Variants in SOX5 observed in about 807,000 individuals in gnomAD.
SOX5 encodes transcription factor SOX-5.
SOX5 carries 9 observed loss-of-function variants against 92.0 expected under a neutral mutation model. The ratio of observed to expected loss-of-function variants is 0.10; its 90% CI spans 0.06 to 0.17. The LOEUF (loss-of-function observed/expected upper bound fraction) is 0.17. Among genes scored for constraint, SOX5 ranks in the 10% least tolerant of loss-of-function variants. The pLI, the probability that SOX5 is intolerant of heterozygous loss-of-function variation, is 1.00. For missense variants in SOX5, 642 were observed against 944.5 expected (o/e 0.68, Z 4.20); for synonymous variants, 344 against 336.3 (o/e 1.02, Z -0.25).
intron 8 of SOX5, among the ~76,000 whole-genome samples, chr12:23,605,784 G>A (rs2075174389): frequency 6.6e-6 from 1 of 151,806 alleles, no homozygotes; most frequent in African/African-American, 2.4e-5. Flanking sequence ...ACATACATAA[G>A]TCTCCAGATA....
chr12:23,718,409 T>C (rs1280013022), intron 6 of SOX5, among the ~76,000 whole-genome samples: 1 of 152,224 alleles, frequency 6.6e-6, no homozygotes, highest in Admixed American at 6.5e-5. Flanking sequence ...ATCTTAATCT[T>C]TGCATACAGA....
intron 1 of SOX5, among the ~76,000 whole-genome samples, chr12:24,557,687 T>C (rs1056370353): frequency 6.6e-6 from 1 of 152,202 alleles, no homozygotes; most frequent in East Asian, 1.9e-4. Context: ...GCTATGTACA[T>C]AGGATATCAT....
At chr12:23,796,985 C>T (rs2095574909) in intron 3 of SOX5, among the ~76,000 whole-genome samples, 1 of 149,562 alleles carries the variant, frequency 6.7e-6, no homozygotes, top group South Asian at 2.1e-4. Flanking sequence ...TTTATTTAAA[C>T]ATTTAAGGGG....
chr12:23,752,386 A>ATTTTT (rs2094208366), intron 4 of SOX5, among the ~76,000 whole-genome samples: 1 of 151,896 alleles, frequency 6.6e-6, no homozygotes, highest in African/African-American at 2.4e-5. Context: ...AACAATTGAG[A>ATTTTT]GTATTTTGCA....
At chr12:24,390,136 A>G (rs61459017) in intron 1 of SOX5, among the ~76,000 whole-genome samples, 137 of 152,218 alleles carry the variant, frequency 9.0e-4, no homozygotes, top group African/African-American at 3.2e-3. Context: ...TCTTTATATG[A>G]ACTCTCAGTT....
chr12:23,692,435 T>C (rs1386975650), intron 6 of SOX5, among the ~76,000 whole-genome samples: 1 of 63,514 alleles, frequency 1.6e-5, no homozygotes, highest in African/African-American at 5.3e-5. Flanking sequence ...AGACTACGCC[T>C]CAGGAAAAAA....
At chr12:24,451,378 T>G (rs1942278581) in intron 1 of SOX5, among the ~76,000 whole-genome samples, 1 of 152,178 alleles carries the variant, frequency 6.6e-6, no homozygotes, top group Admixed American at 6.5e-5. Flanking sequence ...CTCCAAACAG[T>G]TCTCCATAGT....
rs775474190 is a variant in SOX5, at chr12:23,563,437, T to C, written c.1343-34A>G. ...GAGACAGATCAAAGGATATCTTTTG[T>C]ATAAAAGCATGTCTAGGCTAGCGTT... On this transcript the variant is annotated intron_variant, in intron 10 of 14. Coordinates refer to ENST00000451604, the MANE Select transcript of SOX5 (RefSeq NM_006940.6). The C allele has an allele frequency of 6.2e-6, 10 of 1,600,744 alleles. 1 individual carries two copies. In the South Asian group the frequency reaches 8.9e-5, roughly 14 times the overall value.
At chr12:24,292,437 T>G (rs1239643934) in intron 2 of SOX5, among the ~76,000 whole-genome samples, 1 of 152,244 alleles carries the variant, frequency 6.6e-6, no homozygotes, top group African/African-American at 2.4e-5. Context: ...TTATTCATCA[T>G]AGTTATAAGC....
At chr12:23,899,213 C>T in intron 1 of SOX5, among the ~76,000 whole-genome samples, 1 of 151,942 alleles carries the variant, frequency 6.6e-6, no homozygotes, top group Admixed American at 6.6e-5. Context: ...ATCAGCCTGA[C>T]CAACATGGAG....
At chr12:24,354,920 TC>T (rs549150133) in intron 2 of SOX5, among the ~76,000 whole-genome samples, 26 of 152,254 alleles carry the variant, frequency 1.7e-4, no homozygotes, top group Admixed American at 1.1e-3. Flanking sequence ...GAGGGGAGAT[TC>T]TTTGACTTTT....
chr12:24,110,285 C>A (rs879421664), intron 4 of SOX5, among the ~76,000 whole-genome samples: 2 of 152,210 alleles, frequency 1.3e-5, no homozygotes, highest in Admixed American at 1.3e-4. Flanking sequence ...GAGTTGCTAT[C>A]ATGTAAGAGA....
chr12:23,896,714 TA>T (rs11306331), intron 1 of SOX5, among the ~76,000 whole-genome samples: 37,063 of 123,680 alleles, frequency 0.3, 5,849 homozygotes, highest in East Asian at 0.79. Flanking sequence ...TGCAAGGTAG[TA>T]AAAAAAAAAA....
intron 2 of SOX5, among the ~76,000 whole-genome samples, chr12:23,860,065 T>C (rs779833875): frequency 6.6e-6 from 1 of 152,142 alleles, no homozygotes; most frequent in Non-Finnish European, 1.5e-5. Context: ...AAATTCTGCA[T>C]GTTCTCACTT....
chr12:24,241,125 A>AG (rs1384406658), intron 3 of SOX5, among the ~76,000 whole-genome samples: 1 of 152,162 alleles, frequency 6.6e-6, no homozygotes, highest in Non-Finnish European at 1.5e-5. Flanking sequence ...CAAGAATTTA[A>AG]GGTTCATAGT....
At chr12:23,656,922 G>C (rs898338249) in intron 7 of SOX5, among the ~76,000 whole-genome samples, 14 of 151,956 alleles carry the variant, frequency 9.2e-5, no homozygotes, top group African/African-American at 2.9e-4. Context: ...ATTCTCCATT[G>C]TTTGAGGTTG....
intron 6 of SOX5, among the ~76,000 whole-genome samples, chr12:23,695,118 CAAA>C (rs11464821): frequency 7.2e-6 from 1 of 139,568 alleles, no homozygotes; most frequent in African/African-American, 2.7e-5. Flanking sequence ...AACCTTGTCT[CAAA>C]AAAAAAAAAA....
intron 4 of SOX5, among the ~76,000 whole-genome samples, chr12:24,174,774 T>G (rs1332388952): frequency 6.6e-6 from 1 of 151,768 alleles, no homozygotes; most frequent in Admixed American, 6.6e-5. Flanking sequence ...GAGCCAAGAT[T>G]GTGCCGTTGC....
intron 1 of SOX5, among the ~76,000 whole-genome samples, chr12:24,514,729 A>C (rs1432488624): frequency 6.6e-6 from 1 of 152,244 alleles, no homozygotes; most frequent in African/African-American, 2.4e-5. Context: ...AGCCATAAAA[A>C]GGATGAGCTC....
Sources: allele counts gnomAD v4.1 joint callset (sites outside exome capture counted in the v4.1 genomes callset), GRCh38; gene constraint gnomAD v4.1.1; transcripts MANE v1.5; gene names NCBI Gene and HGNC (gene_info 2026-07-23, HGNC 2026-07-21).